PTPRK: variants seen among roughly 807,000 people sequenced by gnomAD.
The protein encoded by PTPRK is protein tyrosine phosphatase receptor type K.
PTPRK carries 75 observed loss-of-function variants against 178.0 expected under a neutral mutation model. That is an observed-to-expected ratio of 0.42 (90% confidence interval 0.35 to 0.51). The LOEUF is 0.51. PTPRK is among the 20% of genes least tolerant of loss of function. The probability of loss-of-function intolerance (pLI) is 0.02; values close to 1 mark genes in which losing one functional copy is unlikely to be tolerated. For synonymous variants in PTPRK, 637 were observed against 620.6 expected, an observed-to-expected ratio of 1.03 and a Z score of -0.39; for missense variants, 1,441 against 1,797.8, an observed-to-expected ratio of 0.80 and a Z score of 3.59.
intron 7 of PTPRK, among the ~76,000 whole-genome samples, chr6:128,124,890 T>C (rs941808247): frequency 6.6e-6 from 1 of 152,202 alleles, no homozygotes; most frequent in African/African-American, 2.4e-5. Context: ...CCATGAGTCA[T>C]GAGCCTGCTG....
intron 1 of PTPRK, among the ~76,000 whole-genome samples, chr6:128,487,955 T>C (rs1853207653): frequency 6.6e-6 from 1 of 152,126 alleles, no homozygotes; most frequent in Non-Finnish European, 1.5e-5. Context: ...ACTAATAGGA[T>C]AGTTGTATAT....
intron 1 of PTPRK, among the ~76,000 whole-genome samples, chr6:128,479,148 C>T (rs1228099057): frequency 6.6e-6 from 1 of 152,094 alleles, no homozygotes; most frequent in Non-Finnish European, 1.5e-5. Flanking sequence ...ACTTGTCCTG[C>T]CACAAAGTTT....
intron 3 of PTPRK, among the ~76,000 whole-genome samples, chr6:128,305,711 AAATT>A (rs1826269234): frequency 6.6e-6 from 1 of 152,186 alleles, no homozygotes; most frequent in South Asian, 2.1e-4. Context: ...TGCCATAATA[AAATT>A]AATAGCATCC....
At chr6:128,446,521 C>G (rs1022912132) in intron 1 of PTPRK, among the ~76,000 whole-genome samples, 1 of 151,098 alleles carries the variant, frequency 6.6e-6, no homozygotes, top group East Asian at 1.9e-4. Context: ...TTTAAAAATT[C>G]TTTCTGCAAA....
intron 7 of PTPRK, among the ~76,000 whole-genome samples, chr6:128,103,943 C>T (rs140238332): frequency 5.5e-4 from 83 of 152,286 alleles, no homozygotes; most frequent in South Asian, 2.7e-3. Flanking sequence ...ATCTCACCTG[C>T]ACTGACCTCA....
intron 1 of PTPRK, among the ~76,000 whole-genome samples, chr6:128,408,249 G>A (rs775294046): frequency 8.6e-5 from 13 of 152,032 alleles, no homozygotes; most frequent in Non-Finnish European, 8.8e-5. Flanking sequence ...ATAGTTGGGC[G>A]TGGTGGCGGG....
Position 128,298,464 on chromosome 6 carries a change from T to A in PTPRK, c.495+23575A>T, listed in dbSNP as rs554257933. On this transcript the variant is annotated intron_variant, in intron 3 of 29. Coordinates refer to ENST00000368226, the MANE Select transcript of PTPRK (RefSeq NM_002844.4). ...TCCTTGATGAACATTGATGCAAAAATCCTCAATAAAATACTGGCAAACCGA... is the reference window on the plus strand; with the variant it reads ...TCCTTGATGAACATTGATGCAAAAAACCTCAATAAAATACTGGCAAACCGA... Among the ~76,000 whole-genome samples the A allele has an allele frequency of 3.9e-3, 592 of 150,960 alleles. 5 individuals carry two copies. Among genetic ancestry groups the A allele is most frequent in the African/African-American group, 0.014 (571 of 40,416 alleles).
At chr6:128,446,082 T>C (rs528318499) in intron 1 of PTPRK, among the ~76,000 whole-genome samples, 3 of 152,096 alleles carry the variant, frequency 2.0e-5, no homozygotes, top group African/African-American at 7.2e-5. Flanking sequence ...TAAGTAACGG[T>C]GATGAACTCA....
chr6:128,519,509 G>A lies in PTPRK; in HGVS notation c.100+750C>T, dbSNP rs1010062896. 3.9e-5 allele frequency among the ~76,000 whole-genome samples: 6 copies of A among 152,226 alleles called. No homozygotes were observed. Among genetic ancestry groups the A allele is most frequent in the African/African-American group, 1.4e-4 (6 of 41,470 alleles). On this transcript the variant is annotated intron_variant, in intron 1 of 29. Coordinates refer to ENST00000368226, the MANE Select transcript of PTPRK (RefSeq NM_002844.4). The surrounding 1 kb of genome is among the most constrained non-coding windows in gnomAD (Gnocchi z 4.3). ...GCCGGATCCGGGGAGCGCGGGGCCA[G>A]CCTGGCGGTGGTTTTGCCCGAGGAG...
At chr6:128,044,970 T>A (rs1777812421) in intron 13 of PTPRK, among the ~76,000 whole-genome samples, 1 of 151,944 alleles carries the variant, frequency 6.6e-6, no homozygotes, top group African/African-American at 2.4e-5. Flanking sequence ...TGTTTAAAAT[T>A]TTTTGTTGAA....
chr6:128,136,268 G>A (rs2114487280), intron 7 of PTPRK, among the ~76,000 whole-genome samples: 1 of 152,210 alleles, frequency 6.6e-6, no homozygotes, highest in Admixed American at 6.5e-5. Flanking sequence ...AATTTGTTAT[G>A]GCATCCTAGG....
chr6:128,190,490 CTTTTTTTTT>C (rs34873441), intron 6 of PTPRK, among the ~76,000 whole-genome samples: 3 of 96,130 alleles, frequency 3.1e-5, no homozygotes, highest in African/African-American at 5.3e-5. Flanking sequence ...TGATAGATAC[CTTTTTTTTT>C]TTTTTTTTTT....
intron 1 of PTPRK, among the ~76,000 whole-genome samples, chr6:128,416,190 G>T (rs560531725): frequency 1.3e-5 from 2 of 152,142 alleles, no homozygotes; most frequent in South Asian, 4.2e-4. Flanking sequence ...GGTCAAAAAA[G>T]ACTTCACAGA....
intron 3 of PTPRK, among the ~76,000 whole-genome samples, chr6:128,292,700 C>A (rs1002079126): frequency 6.6e-6 from 1 of 151,908 alleles, no homozygotes; most frequent in African/African-American, 2.4e-5. Flanking sequence ...TCTTTCTTTG[C>A]CAGTCTCAGG....
intron 19 of PTPRK, 80 bp downstream of exon 19, chr6:127,992,593 T>A (rs369436982): frequency 8.0e-7 from 1 of 1,256,648 alleles, no homozygotes; most frequent in East Asian, 2.5e-5. Flanking sequence ...AAGATAAAAT[T>A]TAAAAAATAA....
At chr6:127,991,467 A>C in intron 19 of PTPRK, 76 bp from the exon 20 acceptor site, 1 of 1,142,558 alleles carries the variant, frequency 8.8e-7, no homozygotes, top group Non-Finnish European at 1.2e-6. Flanking sequence ...TAAGATAAGA[A>C]GCAGAGTAAA....
chr6:128,157,322 G>C (rs940839415), intron 7 of PTPRK, among the ~76,000 whole-genome samples: 1 of 151,858 alleles, frequency 6.6e-6, no homozygotes, highest in South Asian at 2.1e-4. Context: ...AAGACTCTCA[G>C]GATTATCTCA....
intron 2 of PTPRK, among the ~76,000 whole-genome samples, chr6:128,325,381 A>C (rs1450641346): frequency 1.3e-5 from 2 of 152,344 alleles, no homozygotes; most frequent in East Asian, 3.9e-4. Flanking sequence ...ATCAGAGTGA[A>C]CAGGCAAACT....
chr6:128,464,838 T>TA lies in PTPRK; in HGVS notation c.100+55420dup, dbSNP rs199787798. Among the ~76,000 whole-genome samples the TA allele has an allele frequency of 4.7e-3, 678 of 143,144 alleles. 9 individuals carry two copies. Among genetic ancestry groups the TA allele is most frequent in the African/African-American group, 0.016 (621 of 39,624 alleles). The allele number at this position is 143,144 out of a possible 152,430, so 93.9% of individuals were successfully genotyped here. The stretch of plus-strand genomic sequence containing the variant: ...AAAATAAAATAAGATCACTGAGATT[T>TA]AAAAAAAAAGACAATAACAACACAA... On this transcript the variant is annotated intron_variant, in intron 1 of 29. Coordinates refer to ENST00000368226, the MANE Select transcript of PTPRK (RefSeq NM_002844.4).
Sources: gnomAD v4.1 joint callset for allele counts (sites outside exome capture counted in the v4.1 genomes callset) on GRCh38, gnomAD v4.1.1 for gene constraint, Gnocchi (gnomAD v3.1) non-coding constraint, MANE v1.5 for transcripts, NCBI Gene and HGNC (gene_info 2026-07-23, HGNC 2026-07-21) for gene names.